The following ARHGAP4 variants were observed in gnomAD, a reference collection of about 807,000 sequenced individuals.
The protein encoded by ARHGAP4 is Rho GTPase activating protein 4.
ARHGAP4 carries 25 observed loss-of-function variants against 67.6 expected under a neutral mutation model. That is an observed-to-expected ratio of 0.37 (90% CI 0.27 to 0.52). ARHGAP4 has a LOEUF of 0.52. Among genes scored for constraint, ARHGAP4 ranks in the 20% least tolerant of loss-of-function variants. The pLI is 0.92. For missense variants in ARHGAP4, 804 were observed against 854.6 expected (o/e 0.94, Z 0.74); for synonymous variants, 448 against 373.7 (o/e 1.20, Z -2.29).
At position 153,913,548 on chromosome X, in the gene ARHGAP4, G is replaced by A. The variant is rs1334633466; in HGVS notation, c.1187C>T (p.Ser396Leu). ...TLQALLEVVA[S>L]DDGDVLDSFQ... ...GGAATCAAGCACATCCCCGTCATCC[G>A]AGGCCACCACCTCCAGCAGGGCCTG... The change falls in exon 9 of 22, where the codon TCG becomes TTG. Residue 396 changes from serine to leucine, a missense_variant. Ser to Leu is a moderately radical substitution (Grantham distance 145, BLOSUM62 -2). Around this residue, in one of 2 missense-constraint regions of ARHGAP4, gnomAD observed 404 missense variants for 505.9 expected, o/e 0.80. Coordinates refer to ENST00000350060, the MANE Select transcript of ARHGAP4 (RefSeq NM_001666.5). The A allele has an allele frequency of 3.1e-5, 38 of 1,210,311 alleles. No individual in the cohort carries two copies. The highest frequency in any genetic ancestry group is 4.6e-4 in the Middle Eastern group (2 of 4,365).
At chrX:153,909,341 T>C (rs1319909090) in intron 20 of ARHGAP4, 102 bp downstream of exon 20, 1 of 908,662 alleles carries the variant, frequency 1.1e-6, no homozygotes, top group Non-Finnish European at 1.5e-6. Flanking sequence ...CACGTCCTCA[T>C]CTGCCAACTC....
chrX:153,914,422 G>A (rs1249815124), intron 7 of ARHGAP4, among the ~76,000 whole-genome samples: 10 of 112,801 alleles, frequency 8.9e-5, no homozygotes, highest in South Asian at 3.6e-4. Flanking sequence ...GTGGCCCGGC[G>A]CAGTGGCTCA....
chrX:153,922,215 C>T (rs1389113685), intron 1 of ARHGAP4: 4 of 834,842 alleles, frequency 4.8e-6, no homozygotes, highest in South Asian at 9.2e-5. Context: ...ACCCAGGCTC[C>T]GGGAGGTGGC....
rs7877284 is a variant in ARHGAP4, at chrX:153,922,245, C to T, written c.68-436G>A. 7.7e-3 allele frequency: 6,311 copies of T among 817,780 alleles called. 260 individuals are homozygous for T. In the African/African-American group the frequency reaches 0.11, roughly 15 times the overall value. The allele number at this position is 817,780 out of a possible 1,213,427, so 67.4% of individuals were successfully genotyped here. ...GGTGGCAGCCTCCCTTGCAAACACA[C>T]GGATACACAACACACAGATCACAGT... is the stretch of plus-strand genomic sequence containing the variant. On this transcript the variant is annotated intron_variant, in intron 1 of 21. Transcript: ENST00000350060.
chrX:153,913,458 G>A lies in ARHGAP4; in HGVS notation c.1277C>T (p.Ala426Val), dbSNP rs782283921. 3.3e-6 allele frequency: 4 copies of A among 1,210,304 alleles called. No individual in the cohort carries two copies. The highest frequency in any genetic ancestry group is 1.8e-5 in the South Asian group (1 of 56,831). ...CTGCTGCTGGCCGCGCCTCCGGCCC[G>A]CCTGCCGGCTGCCTGGGTCTGAGCT... ...STSSDPGSRQ[A>V]GRRRGQQQET... Residue 426 changes from alanine to valine, a missense_variant, in exon 9 of 22, where the codon GCG (alanine) becomes GTG (valine). By Grantham distance (64) the Ala-to-Val change is moderately conservative. Around this residue, in one of 2 missense-constraint regions of ARHGAP4, gnomAD observed 404 missense variants for 505.9 expected, o/e 0.80. Coordinates refer to ENST00000350060, the MANE Select transcript of ARHGAP4 (RefSeq NM_001666.5).
chrX:153,910,067 G>A lies in ARHGAP4; in HGVS notation c.2175C>T (p.Ser725=), dbSNP rs782051762. ...GCTCCGGCTCATTGTCCGCCCCCAGGCTCTCCAGCTGGGCGTCCCTGAGGT... is the reference window on the plus strand; with the variant it reads ...GCTCCGGCTCATTGTCCGCCCCCAGACTCTCCAGCTGGGCGTCCCTGAGGT... ...ASCLGDAQLE[S]LGADNEPELE... The change falls in exon 18 of 22, where the codon AGC becomes AGT. Residue 725 remains serine (S), a synonymous_variant. Coordinates refer to ENST00000350060, the MANE Select transcript of ARHGAP4 (RefSeq NM_001666.5). 2.4e-5 allele frequency: 29 copies of A among 1,209,924 alleles called. No individual in the cohort carries two copies. The highest frequency in any genetic ancestry group is 3.1e-5 in the Non-Finnish European group (28 of 895,159).
chrX:153,910,954 C>T lies in ARHGAP4; in HGVS notation c.1649G>A (p.Arg550Gln), dbSNP rs781878408. 1.3e-5 allele frequency: 15 copies of T among 1,163,720 alleles called. No individual in the cohort carries two copies. In the Admixed American group the frequency reaches 2.3e-4, roughly 18 times the overall value. ...GAAGGCATCACGGATCTCTGAGACC[C>T]GGAGCTGGGCACCCGATACCCGGAA... ...GIFRVSGAQL[R>Q]VSEIRDAFER... Residue 550 changes from arginine (R) to glutamine (Q), a missense_variant, in exon 14 of 22, where the codon CGG (arginine) becomes CAG (glutamine). Physicochemically the swap from Arg to Gln is conservative, Grantham distance 43 (BLOSUM62 1). Around this residue, in one of 2 missense-constraint regions of ARHGAP4, gnomAD observed 404 missense variants for 505.9 expected, o/e 0.80. Coordinates refer to ENST00000350060, the MANE Select transcript of ARHGAP4 (RefSeq NM_001666.5).
intron 15 of ARHGAP4, 28 bp from the exon 16 acceptor site, chrX:153,910,639 C>T (rs782042952): frequency 4.2e-6 from 5 of 1,190,235 alleles, no homozygotes; most frequent in African/African-American, 1.7e-5. Context: ...CAGAGAGAGC[C>T]GCGTGAGCGG....
At chrX:153,911,930 A>AG (rs11450812) in intron 12 of ARHGAP4, among the ~76,000 whole-genome samples, 43,432 of 106,948 alleles carry the variant, frequency 0.41, 8,456 homozygotes, top group African/African-American at 0.69. Context: ...AAAAAAAAAA[A>AG]AAAGAAAGAA....
In ARHGAP4 at chrX:153,913,465, G is replaced by A. The variant is rs781958526; in HGVS notation, c.1270C>T (p.Arg424Trp). The A allele has an allele frequency of 8.8e-5, 106 of 1,210,388 alleles. 1 individual carries two copies. Among genetic ancestry groups the A allele is most frequent in the Non-Finnish European group, 1.1e-4 (96 of 895,216 alleles). ...TGGCCGCGCCTCCGGCCCGCCTGCC[G>A]GCTGCCTGGGTCTGAGCTGGTGGAC... Reference protein sequence around the residue: ...LKSTSSDPGSRQAGRRRGQQQ... With the variant: ...LKSTSSDPGSWQAGRRRGQQQ... The change falls in exon 9 of 22, where the codon CGG becomes TGG. Residue 424 changes from arginine (R) to tryptophan (W), a missense_variant. Physicochemically the swap from Arg to Trp is moderately radical, Grantham distance 101. Coordinates refer to ENST00000350060, the MANE Select transcript of ARHGAP4 (RefSeq NM_001666.5).
chrX:153,915,234 G>A (rs1025854983), intron 7 of ARHGAP4, among the ~76,000 whole-genome samples: 2 of 110,538 alleles, frequency 1.8e-5, no homozygotes, highest in East Asian at 2.8e-4. Flanking sequence ...GGGCTGGGGG[G>A]TGGGGAGTTG....
Position 153,920,751 on chromosome X carries a change from G to A in ARHGAP4, c.556C>T (p.Arg186Trp), listed in dbSNP as rs1557105075. 6.6e-6 allele frequency: 8 copies of A among 1,212,100 alleles called. No homozygotes were observed. The highest frequency in any genetic ancestry group is 2.2e-5 in the Admixed American group (1 of 46,165). ...MESVNAEAKL[R>W]EAERQEEKRA... ...TTCTCCTCCTGCCGCTCGGCCTCCC[G>A]GAGCTTGGCCTCGGCATTCACGCTC... The change falls in exon 5 of 22, where the codon CGG becomes TGG. Residue 186 changes from arginine to tryptophan, a missense_variant. By Grantham distance (101) the Arg-to-Trp change is moderately radical. Around this residue, in one of 2 missense-constraint regions of ARHGAP4, gnomAD observed 404 missense variants for 505.9 expected, o/e 0.80. Coordinates refer to ENST00000350060, the MANE Select transcript of ARHGAP4 (RefSeq NM_001666.5).
chrX:153,912,904 C>T (rs1557103598), intron 11 of ARHGAP4, 102 bp from the exon 12 acceptor site: 13 of 1,122,100 alleles, frequency 1.2e-5, no homozygotes, highest in Non-Finnish European at 7.3e-6. Context: ...TGAAGTTATT[C>T]CACAATCCAG....
intron 1 of ARHGAP4, among the ~76,000 whole-genome samples, chrX:153,925,062 C>A (rs183251224): frequency 5.4e-5 from 6 of 111,530 alleles, no homozygotes; most frequent in Admixed American, 2.9e-4. Flanking sequence ...CTGAAGTTTT[C>A]CAAGTCTTTC....
rs1197532221 is a variant in ARHGAP4, at chrX:153,908,048, C to G, written c.2608-86G>C. On this transcript the variant is annotated intron_variant, in intron 21 of 21. Coordinates refer to ENST00000350060, the MANE Select transcript of ARHGAP4 (RefSeq NM_001666.5). ...GACCCACCTGAGTTCCTCCCACTCC[C>G]AAAGCAAGCCCTCAGCCAACATCCC... 9 of 846,407 alleles carry G rather than the reference C, an allele frequency of 1.1e-5. No individual in the cohort carries two copies. The African/African-American group carries it at 1.3e-4, about 12-fold the overall frequency. 69.8% of individuals were successfully genotyped at this position (846,407 alleles called of 1,213,427 possible).
At chrX:153,915,682 G>C (rs999147477) in intron 7 of ARHGAP4, among the ~76,000 whole-genome samples, 3 of 112,304 alleles carry the variant, frequency 2.7e-5, no homozygotes, top group African/African-American at 9.7e-5. Flanking sequence ...TACTCAGGAG[G>C]AGGCTCAGGC....
chrX:153,921,591 A>G lies in ARHGAP4; in HGVS notation c.272+14T>C. 8.3e-7 allele frequency: 1 copy of G among 1,207,779 alleles called. No homozygotes were observed. The highest frequency in any genetic ancestry group is 1.8e-5 in the South Asian group (1 of 56,619). On this transcript the variant is annotated intron_variant, in intron 2 of 21. Coordinates refer to ENST00000350060, the MANE Select transcript of ARHGAP4 (RefSeq NM_001666.5). ...TGGGCCCTGCCGTGGCCCCCCTGCCAGCACATCACCTACCGGAAGCTTTGG... is the reference window on the plus strand; with the variant it reads ...TGGGCCCTGCCGTGGCCCCCCTGCCGGCACATCACCTACCGGAAGCTTTGG...
chrX:153,925,752 C>T (rs1264409672), intron 1 of ARHGAP4, among the ~76,000 whole-genome samples: 5 of 112,144 alleles, frequency 4.5e-5, no homozygotes, highest in Non-Finnish European at 7.5e-5. Flanking sequence ...CCCGGACTCC[C>T]TTACTCACCC....
rs199594389 is a variant in ARHGAP4 at position 153,912,999 on chromosome X, G to A, written c.1439+25C>T. 9.6e-4 allele frequency: 1,040 copies of A among 1,079,143 alleles called. 7 individuals carry two copies. In the African/African-American group the frequency reaches 0.035, roughly 36 times the overall value. 88.9% of individuals were successfully genotyped at this position (1,079,143 alleles called of 1,213,427 possible). ...AGAAGAGATGGCGGACCGTCGCAGG[G>A]CCCCAGCCCTCAGGGAGGACTCACC... On this transcript the variant is annotated intron_variant, in intron 11 of 21. Coordinates refer to ENST00000350060, the MANE Select transcript of ARHGAP4 (RefSeq NM_001666.5).
Sources: gnomAD v4.1 joint callset for allele counts (sites outside exome capture counted in the v4.1 genomes callset) on GRCh38, gnomAD v4.1.1 for gene constraint, gnomAD v4.1.1 regional missense constraint, MANE v1.5 for transcripts, NCBI Gene and HGNC (gene_info 2026-07-23, HGNC 2026-07-21) for gene names.